The following ADCY2 variants were observed in gnomAD, a reference collection of about 807,000 sequenced individuals.
ADCY2 encodes the protein adenylate cyclase type 2.
ADCY2 carries 31 observed loss-of-function variants against 125.2 expected under a neutral mutation model. That is an observed-to-expected ratio of 0.25 (90% CI 0.19 to 0.33). The LOEUF (loss-of-function observed/expected upper bound fraction) is 0.33, where lower values mean the gene tolerates loss of function less well. Ranked by LOEUF, ADCY2 falls within the 10% of genes least tolerant of loss-of-function variation. The probability of loss-of-function intolerance (pLI) is 1.00; values close to 1 mark genes in which losing one functional copy is unlikely to be tolerated. For missense variants in ADCY2, 904 were observed against 1,418.2 expected, an observed-to-expected ratio of 0.64 and a Z score of 5.82; for synonymous variants, 512 against 548.4, an observed-to-expected ratio of 0.93 and a Z score of 0.93.
At chr5:7,613,292 C>T (rs1237716842) in intron 3 of ADCY2, among the ~76,000 whole-genome samples, 1 of 152,130 alleles carries the variant, frequency 6.6e-6, no homozygotes, top group Admixed American at 6.5e-5. Context: ...TACAGAAATG[C>T]AGGCTGATAT....
At position 7,676,399 on chromosome 5, in the gene ADCY2, C is replaced by T. The variant is rs1232944034; in HGVS notation, c.721-14292C>T. Reference sequence around the variant, plus strand: ...ACTAAAGGATGAATCATGAAACATACCTAAATGTCATTTCATTAATTTCCT... The same window carrying T: ...ACTAAAGGATGAATCATGAAACATATCTAAATGTCATTTCATTAATTTCCT... On this transcript the variant is annotated intron_variant, in intron 4 of 24. Coordinates refer to ENST00000338316, the MANE Select transcript of ADCY2 (RefSeq NM_020546.3). Among the ~76,000 whole-genome samples the T allele has an allele frequency of 2.0e-5, 3 of 152,236 alleles. No homozygotes were observed. In the East Asian group the frequency reaches 5.8e-4, roughly 29 times the overall value.
In ADCY2 at chr5:7,761,802, A is replaced by G. The variant is rs374552029; in HGVS notation, c.2094+4216A>G. ...TTGACAGACAGTTCAGTCACTGTCTATAAATGTTTGACAAGCTGATCATTT... is the reference window on the plus strand; with the variant it reads ...TTGACAGACAGTTCAGTCACTGTCTGTAAATGTTTGACAAGCTGATCATTT... On this transcript the variant is annotated intron_variant, in intron 16 of 24. Transcript: ENST00000338316. 1.5e-3 allele frequency among the ~76,000 whole-genome samples: 235 copies of G among 152,344 alleles called. 1 individual carries two copies. The highest frequency in any genetic ancestry group is 3.4e-3 in the Middle Eastern group (1 of 294).
At chr5:7,540,842 C>T (rs62341548) in intron 3 of ADCY2, among the ~76,000 whole-genome samples, 30,288 of 152,034 alleles carry the variant, frequency 0.2, 3,376 homozygotes, top group East Asian at 0.38. Context: ...GAATTTGGTC[C>T]GGATTCAGGG....
intron 11 of ADCY2, among the ~76,000 whole-genome samples, chr5:7,716,055 G>C (rs1370722625): frequency 2.0e-5 from 3 of 152,124 alleles, no homozygotes; most frequent in African/African-American, 7.2e-5. Flanking sequence ...TACTATTTTG[G>C]TTTTCTCCTG....
chr5:7,673,555 C>T (rs1290730708), intron 4 of ADCY2, among the ~76,000 whole-genome samples: 1 of 152,066 alleles, frequency 6.6e-6, no homozygotes, highest in East Asian at 1.9e-4. Context: ...GGTACTTCAT[C>T]GAGGTAGGGT....
intron 14 of ADCY2, 25 bp downstream of exon 14, chr5:7,727,286 G>T: frequency 6.3e-7 from 1 of 1,593,176 alleles, no homozygotes. Flanking sequence ...TTTCCACTGG[G>T]ATTCTCACCT....
At chr5:7,732,476 C>T (rs74372477) in intron 14 of ADCY2, among the ~76,000 whole-genome samples, 99 of 152,252 alleles carry the variant, frequency 6.5e-4, no homozygotes, top group African/African-American at 2.3e-3. Context: ...TCTCCTGGGC[C>T]GTTTAGCATC....
intron 3 of ADCY2, among the ~76,000 whole-genome samples, chr5:7,589,458 A>AAAAGAAAGAAAGAAAGAAAAGAAAGAAAG (rs1736748368): frequency 4.1e-5 from 3 of 72,932 alleles, no homozygotes; most frequent in African/African-American, 1.5e-4. Context: ...GAAGGAAAGA[A>AAAAGAAAGAAAGAAAGAAAAGAAAGAAAG]AAAGAAAGAA....
At chr5:7,727,114 A>C (rs1048102335) in intron 13 of ADCY2, 50 bp from the exon 14 acceptor site, 1 of 1,407,006 alleles carries the variant, frequency 7.1e-7, no homozygotes, top group Non-Finnish European at 1.0e-6. Flanking sequence ...CACTGTGTGC[A>C]GCTCTTCTCT....
At chr5:7,520,080 G>A (rs1744387293) in intron 2 of ADCY2, among the ~76,000 whole-genome samples, 1 of 152,124 alleles carries the variant, frequency 6.6e-6, no homozygotes, top group Non-Finnish European at 1.5e-5. Context: ...TTTCCACCTT[G>A]GGGTTGTTTG....
intron 22 of ADCY2, among the ~76,000 whole-genome samples, chr5:7,807,938 C>T (rs1579460611): frequency 6.6e-6 from 1 of 152,318 alleles, no homozygotes; most frequent in South Asian, 2.1e-4. Context: ...AGCAGCACCA[C>T]CTGTGGTGGT....
intron 2 of ADCY2, among the ~76,000 whole-genome samples, chr5:7,431,860 T>C (rs1195376634): frequency 3.3e-5 from 5 of 152,168 alleles, no homozygotes; most frequent in African/African-American, 1.2e-4. Context: ...AGGGAAATTC[T>C]GGGCAGAAGA....
intron 3 of ADCY2, among the ~76,000 whole-genome samples, chr5:7,583,044 T>C (rs1405083148): frequency 6.6e-6 from 1 of 152,138 alleles, no homozygotes; most frequent in Non-Finnish European, 1.5e-5. Context: ...TTGTGTTTTA[T>C]ATACTGGTAG....
intron 3 of ADCY2, among the ~76,000 whole-genome samples, chr5:7,592,645 T>C (rs1382284026): frequency 6.6e-6 from 1 of 152,206 alleles, no homozygotes; most frequent in African/African-American, 2.4e-5. Context: ...TTCCGTGTAA[T>C]GATAACATAC....
chr5:7,513,506 A>T (rs1341848993), intron 2 of ADCY2, among the ~76,000 whole-genome samples: 2 of 152,230 alleles, frequency 1.3e-5, no homozygotes, highest in Non-Finnish European at 2.9e-5. Context: ...GTACCTAATT[A>T]ATAAATGGTA....
intron 4 of ADCY2, among the ~76,000 whole-genome samples, chr5:7,628,896 A>G (rs898733231): frequency 2.0e-5 from 3 of 151,964 alleles, no homozygotes; most frequent in African/African-American, 7.3e-5. Flanking sequence ...GGCCAGTGGC[A>G]ATCTGTGTGA....
chr5:7,643,558 C>CT (rs5865722), intron 4 of ADCY2, among the ~76,000 whole-genome samples: 38 of 148,448 alleles, frequency 2.6e-4, no homozygotes, highest in South Asian at 1.7e-3. Flanking sequence ...GGTTTCATTT[C>CT]TTTTTTTTTT....
intron 12 of ADCY2, among the ~76,000 whole-genome samples, chr5:7,718,705 GGCC>G (rs1741670496): frequency 6.6e-6 from 1 of 152,100 alleles, no homozygotes; most frequent in South Asian, 2.1e-4. Flanking sequence ...GAGTGTCCAA[GGCC>G]CACTGGCAGC....
At chr5:7,679,311 A>G (rs903827881) in intron 4 of ADCY2, among the ~76,000 whole-genome samples, 2 of 152,028 alleles carry the variant, frequency 1.3e-5, no homozygotes, top group Non-Finnish European at 2.9e-5. Context: ...CTGCAGGGTC[A>G]AAGAAAGGAG....
Sources: gnomAD v4.1 joint callset for allele counts (sites outside exome capture counted in the v4.1 genomes callset) on GRCh38, gnomAD v4.1.1 for gene constraint, MANE v1.5 for transcripts, NCBI Gene and HGNC (gene_info 2026-07-23, HGNC 2026-07-21) for gene names.